The following IL13RA1 variants were observed in gnomAD, a reference collection of about 807,000 sequenced individuals.
The protein encoded by IL13RA1 is interleukin 13 receptor subunit alpha 1, also known as interleukin-13 receptor subunit alpha-1.
IL13RA1 carries 14 observed loss-of-function variants against 33.8 expected under a neutral mutation model. The ratio of observed to expected loss-of-function variants is 0.41; its 90% CI spans 0.27 to 0.65. The LOEUF is 0.65. IL13RA1 is among the 30% of genes least tolerant of loss of function. The probability of loss-of-function intolerance (pLI) is 0.28; values close to 1 mark genes in which losing one functional copy is unlikely to be tolerated. For synonymous variants in IL13RA1, 116 were observed against 115.7 expected (o/e 1.00, Z -0.02); for missense variants, 313 against 327.0 (o/e 0.96, Z 0.33).
chrX:118,776,541 G>T (rs376722008), intron 10 of IL13RA1, 30 bp downstream of exon 10: 6,956 of 212,681 alleles, frequency 0.033, 1 homozygote, highest in Admixed American at 0.049. Context: ...GGCTTGAAAT[G>T]TTTTTTTTTT....
chrX:118,747,076 C>T lies in IL13RA1; in HGVS notation c.351C>T (p.Cys117=). The change falls in exon 3 of 11, where the codon TGC becomes TGT. Residue 117 remains cysteine, a synonymous_variant. Transcript: ENST00000371666. ...AGCCTAGCATTTTGGTTGAAAAATGCATCTCACCCCCAGAAGGTAACAACT... is the reference window on the plus strand; with the variant it reads ...AGCCTAGCATTTTGGTTGAAAAATGTATCTCACCCCCAGAAGGTAACAACT... ...SEKPSILVEK[C]ISPPEGDPES... is the part of the protein sequence containing the mutation. 8.6e-7 allele frequency: 1 copy of T among 1,162,562 alleles called. No homozygotes were observed.
At chrX:118,761,679 C>G (rs1043073816) in intron 6 of IL13RA1, among the ~76,000 whole-genome samples, 1 of 111,939 alleles carries the variant, frequency 8.9e-6, no homozygotes, top group African/African-American at 3.3e-5. Flanking sequence ...AATAAGCAAG[C>G]TAATTTCAGA....
At chrX:118,746,594 ATTG>A (rs930777520) in intron 2 of IL13RA1, among the ~76,000 whole-genome samples, 4 of 110,399 alleles carry the variant, frequency 3.6e-5, no homozygotes, top group Non-Finnish European at 7.6e-5. Flanking sequence ...AATGTGGGAA[ATTG>A]TTGTATCTAC....
chrX:118,781,709 T>C (rs1358598553), intron 10 of IL13RA1, among the ~76,000 whole-genome samples: 1 of 112,783 alleles, frequency 8.9e-6, no homozygotes, highest in East Asian at 2.8e-4. Context: ...ATAGCATTAC[T>C]GTACTTTAAA....
chrX:118,794,777 C>T (rs983893016), downstream of IL13RA1, among the ~76,000 whole-genome samples: 1 of 111,302 alleles, frequency 9.0e-6, no homozygotes, highest in Non-Finnish European at 1.9e-5. Flanking sequence ...CTTAAGTATT[C>T]AATAAATTGT....
chrX:118,790,889 G>T (rs1008503167), intron 10 of IL13RA1, among the ~76,000 whole-genome samples: 2 of 111,559 alleles, frequency 1.8e-5, no homozygotes, highest in African/African-American at 6.5e-5. Flanking sequence ...GCAGGGTTTG[G>T]TAGACTTTTT....
chrX:118,787,615 T>C (rs1051686950), intron 10 of IL13RA1, among the ~76,000 whole-genome samples: 2 of 111,816 alleles, frequency 1.8e-5, no homozygotes, highest in African/African-American at 6.5e-5. Flanking sequence ...GTTTCATCTC[T>C]ATCTATGACT....
At chrX:118,750,844 T>C (rs1308619312) in intron 4 of IL13RA1, among the ~76,000 whole-genome samples, 1 of 111,543 alleles carries the variant, frequency 9.0e-6, no homozygotes, top group African/African-American at 3.3e-5. Context: ...TCTTGCTCTG[T>C]CACCCAGGCT....
At chrX:118,732,578 G>A (rs943285840) in intron 1 of IL13RA1, among the ~76,000 whole-genome samples, 7 of 89,055 alleles carry the variant, frequency 7.9e-5, no homozygotes, top group African/African-American at 2.5e-4. Context: ...AACAGGCCCC[G>A]GTGTGTGATG....
At chrX:118,802,211 C>T in the IL13RA1 span, among the ~76,000 whole-genome samples, 3 of 112,166 alleles carry the variant, frequency 2.7e-5, no homozygotes, top group Non-Finnish European at 3.8e-5. Flanking sequence ...TAACAAACAT[C>T]GAGTCCAGAG....
chrX:118,769,263 G>T (rs1278371039), intron 8 of IL13RA1, among the ~76,000 whole-genome samples: 4 of 112,308 alleles, frequency 3.6e-5, no homozygotes, highest in Non-Finnish European at 7.5e-5. Context: ...CTTTCTAGAT[G>T]TTCATGACCT....
downstream of IL13RA1, among the ~76,000 whole-genome samples, chrX:118,799,205 C>T (rs914927476): frequency 8.8e-6 from 1 of 113,352 alleles, no homozygotes; most frequent in Non-Finnish European, 1.9e-5. Flanking sequence ...GGGCAGGGCT[C>T]GGGACCTGCA....
At chrX:118,739,769 G>T in intron 1 of IL13RA1, among the ~76,000 whole-genome samples, 1 of 110,952 alleles carries the variant, frequency 9.0e-6, no homozygotes, top group Middle Eastern at 4.6e-3. Flanking sequence ...TCTAGCTCCA[G>T]CTGTTTAGTG....
chrX:118,727,683 C>T lies in IL13RA1; in HGVS notation c.45C>T (p.Leu15=), dbSNP rs2017168205. 3 of 890,772 alleles carry T rather than the reference C, an allele frequency of 3.4e-6. No individual in the cohort carries two copies. Among genetic ancestry groups the T allele is most frequent in the African/African-American group, 2.1e-5 (1 of 47,846 alleles). 73.4% of individuals were successfully genotyped at this position (890,772 alleles called of 1,213,427 possible). Residue 15 remains leucine (L), a synonymous_variant, in exon 1 of 11, where the codon CTC becomes CTT. Coordinates refer to ENST00000371666, the MANE Select transcript of IL13RA1 (RefSeq NM_001560.3). ...TCTGCGGGCTGTGGGCGCTGCTGCT[C>T]TGCGCCGGCGGCGGGGGCGGGGGCG... ...ARLCGLWALL[L]CAGGGGGGGG... is the part of the protein sequence containing the mutation.
chrX:118,766,261 T>A (rs771687429), intron 6 of IL13RA1, among the ~76,000 whole-genome samples: 56 of 112,070 alleles, frequency 5.0e-4, no homozygotes, highest in African/African-American at 1.6e-3. Flanking sequence ...ATTTATTAAT[T>A]CATTTTATCT....
At chrX:118,757,726 G>A (rs1228733689) in intron 4 of IL13RA1, among the ~76,000 whole-genome samples, 2 of 76,875 alleles carry the variant, frequency 2.6e-5, no homozygotes, top group Non-Finnish European at 4.6e-5. Context: ...GGTCTTACTC[G>A]GTCACCCAGG....
chrX:118,755,457 C>T (rs2017519998), intron 4 of IL13RA1, among the ~76,000 whole-genome samples: 1 of 110,217 alleles, frequency 9.1e-6, no homozygotes, highest in African/African-American at 3.3e-5. Flanking sequence ...ATTTCCTTCT[C>T]ATATCTGCAG....
downstream of IL13RA1, among the ~76,000 whole-genome samples, chrX:118,796,756 G>A (rs1188953116): frequency 8.9e-6 from 1 of 112,030 alleles, no homozygotes; most frequent in East Asian, 2.8e-4. Context: ...GGCTGGTCTC[G>A]AACTCCCGGC....
intron 10 of IL13RA1, among the ~76,000 whole-genome samples, chrX:118,779,678 A>G (rs1281550107): frequency 8.9e-6 from 1 of 111,832 alleles, no homozygotes; most frequent in African/African-American, 3.2e-5. Context: ...ATTAAGGGAA[A>G]AAGAAAATAC....
Sources: allele counts gnomAD v4.1 joint callset (sites outside exome capture counted in the v4.1 genomes callset), GRCh38; gene constraint gnomAD v4.1.1; transcripts MANE v1.5; gene names NCBI Gene and HGNC (gene_info 2026-07-23, HGNC 2026-07-21).